The following PCDHA3 variants were observed in gnomAD, a reference collection of about 807,000 sequenced individuals.
The protein encoded by PCDHA3 is protocadherin alpha 3, also known as protocadherin alpha-3.
PCDHA3 carries 41 observed loss-of-function variants against 62.2 expected under a neutral mutation model. That is an observed-to-expected ratio of 0.66 (90% CI 0.51 to 0.86). The LOEUF (loss-of-function observed/expected upper bound fraction) is 0.86, where lower values mean the gene tolerates loss of function less well. Ranked by LOEUF, PCDHA3 falls within the 40% of genes least tolerant of loss-of-function variation. The pLI is 0.00. For missense variants in PCDHA3, 1,304 were observed against 1,241.2 expected, an observed-to-expected ratio of 1.05 and a Z score of -0.76; for synonymous variants, 640 against 555.4, an observed-to-expected ratio of 1.15 and a Z score of -2.14.
intron 1 of PCDHA3, chr5:140,842,664 T>C: frequency 6.3e-7 from 1 of 1,595,188 alleles, no homozygotes; most frequent in Non-Finnish European, 8.6e-7. Context: ...GTGGCCGACG[T>C]GAACGACAAT....
At chr5:140,805,505 T>C in intron 1 of PCDHA3, 1 of 988,922 alleles carries the variant, frequency 1.0e-6, no homozygotes. Context: ...TTTCACTAGA[T>C]TGATTTTTTG....
At position 141,011,477 on chromosome 5, in the gene PCDHA3, T is replaced by C. The variant is rs1256394490; in HGVS notation, c.*1540T>C. 2 of 153,818 alleles carry C rather than the reference T, an allele frequency of 1.3e-5. No homozygotes were observed. Among genetic ancestry groups the C allele is most frequent in the Non-Finnish European group, 2.9e-5 (2 of 68,052 alleles). The allele number at this position is 153,818 out of a possible 1,614,324, so 9.5% of individuals were successfully genotyped here. ...TTTATTGTTGAATGTAATTCCATTA[T>C]ATTTCCTTTTGTACACCTGTGAAAA... On this transcript the variant is annotated 3_prime_UTR_variant, in exon 4 of 4. Transcript: ENST00000522353.
chr5:140,831,399 A>T (rs2150194241), intron 1 of PCDHA3, among the ~76,000 whole-genome samples: 1 of 150,984 alleles, frequency 6.6e-6, no homozygotes. Flanking sequence ...TTGCTCTGTC[A>T]CCCATGCTGG....
chr5:140,885,213 AT>A (rs1364699535), intron 1 of PCDHA3, among the ~76,000 whole-genome samples: 44 of 152,178 alleles, frequency 2.9e-4, no homozygotes, highest in African/African-American at 1.0e-3. Context: ...CCCATGAAAA[AT>A]ATCTTGTGAT....
At chr5:140,835,577 G>T (rs1554135077) in intron 1 of PCDHA3, 1 of 1,613,890 alleles carries the variant, frequency 6.2e-7, no homozygotes, top group Non-Finnish European at 8.5e-7. Context: ...TCAAGTTGGT[G>T]TCCACCTTCA....
chr5:140,869,469 G>T, intron 1 of PCDHA3: 1 of 1,614,210 alleles, frequency 6.2e-7, no homozygotes, highest in Non-Finnish European at 8.5e-7. Context: ...TGAACGTGGA[G>T]GTGAAGGACA....
chr5:140,881,259 C>T (rs1285019236), intron 1 of PCDHA3: 6 of 524,478 alleles, frequency 1.1e-5, no homozygotes, highest in Non-Finnish European at 9.8e-6. Flanking sequence ...AGGTTTTACT[C>T]AGTGATGATG....
At position 140,871,188 on chromosome 5, in the gene PCDHA3, C is replaced by G. The variant is rs782347896; in HGVS notation, c.2394+67597C>G. Reference sequence around the variant, plus strand: ...GCCCAGAGGCTGCGCTGGTGGATGTCAACGTGTACCTGATCATCGCCATCT... The same window carrying G: ...GCCCAGAGGCTGCGCTGGTGGATGTGAACGTGTACCTGATCATCGCCATCT... On this transcript the variant is annotated intron_variant, in intron 1 of 3. Transcript: ENST00000522353. 9.9e-6 allele frequency: 16 copies of G among 1,613,638 alleles called. 1 individual carries two copies. In the South Asian group the frequency reaches 1.8e-4, roughly 18 times the overall value.
Position 140,818,967 on chromosome 5 carries a change from A to T in PCDHA3, c.2394+15376A>T, listed in dbSNP as rs2150102814. On this transcript the variant is annotated intron_variant, in intron 1 of 3. Transcript: ENST00000522353. Reference sequence around the variant, plus strand: ...CATTGATATTCACTATCTCAGGGATATGTTAGAACTATTCTCATATTTTCT... The same window carrying T: ...CATTGATATTCACTATCTCAGGGATTTGTTAGAACTATTCTCATATTTTCT... Among the ~76,000 whole-genome samples, 9 of 152,370 alleles carry T rather than the reference A, an allele frequency of 5.9e-5. No homozygotes were observed. The East Asian group carries it at 1.7e-3, about 29-fold the overall frequency.
At chr5:140,858,209 T>A (rs1554151274) in intron 1 of PCDHA3, 1 of 1,593,850 alleles carries the variant, frequency 6.3e-7, no homozygotes, top group Admixed American at 1.7e-5. Context: ...TGCACTGAGG[T>A]GCTCGGCGGC....
chr5:140,841,892 C>A (rs2150324917), intron 1 of PCDHA3: 1 of 1,613,788 alleles, frequency 6.2e-7, no homozygotes, highest in Non-Finnish European at 8.5e-7. Context: ...TGAGAATAAA[C>A]TGGTTGAGCT....
intron 1 of PCDHA3, among the ~76,000 whole-genome samples, chr5:140,956,151 C>A (rs1193859248): frequency 6.6e-6 from 1 of 152,156 alleles, no homozygotes; most frequent in African/African-American, 2.4e-5. Flanking sequence ...CTTTCTCTTT[C>A]CTAATTGCCA....
intron 1 of PCDHA3, chr5:140,841,181 C>G: frequency 2.6e-6 from 3 of 1,156,610 alleles, no homozygotes; most frequent in Non-Finnish European, 3.6e-6. Context: ...GGTCAATGTT[C>G]AAAGTCTTTT....
At chr5:140,828,983 A>C (rs2150161618) in intron 1 of PCDHA3, 1 of 1,614,204 alleles carries the variant, frequency 6.2e-7, no homozygotes, top group South Asian at 1.1e-5. Context: ...CATAGATCGA[A>C]ATACGGGAGA....
Position 140,802,086 on chromosome 5 carries a change from C to A in PCDHA3, c.889C>A (p.Pro297Thr). 2 of 1,614,144 alleles carry A rather than the reference C, an allele frequency of 1.2e-6. No homozygotes were observed. The highest frequency in any genetic ancestry group is 1.7e-6 in the Non-Finnish European group (2 of 1,180,032). ...TATTCTGTCAAAATTCCATTTAGAT[C>A]CAGTCAATGGACAAATCAGTGTAAA... is the stretch of plus-strand genomic sequence containing the variant. ...ADILSKFHLD[P>T]VNGQISVKGN... The change falls in exon 1 of 4, where the codon CCA (proline) becomes ACA (threonine). Residue 297 changes from proline (P) to threonine (T), a missense_variant. By Grantham distance (38) the Pro-to-Thr change is conservative (BLOSUM62 -1). Transcript: ENST00000522353.
intron 1 of PCDHA3, chr5:140,830,400 T>C (rs2150186085): frequency 1.1e-5 from 18 of 1,614,068 alleles, no homozygotes; most frequent in Non-Finnish European, 8.5e-7. Flanking sequence ...ATGGATCTCA[T>C]GGCCTTTAGC....
At chr5:140,856,703 C>T (rs1413055800) in intron 1 of PCDHA3, 1 of 1,596,452 alleles carries the variant, frequency 6.3e-7, no homozygotes, top group Non-Finnish European at 8.6e-7. Context: ...TGGAGGCAAA[C>T]CTGAATTTAC....
intron 1 of PCDHA3, among the ~76,000 whole-genome samples, chr5:140,826,214 C>T (rs186119066): frequency 6.6e-6 from 1 of 152,250 alleles, no homozygotes; most frequent in African/African-American, 2.4e-5. Flanking sequence ...TTTAAAAAAT[C>T]AAGTTTTGTG....
chr5:140,941,214 C>CTTTCTTTCTTT (rs1554214039), intron 1 of PCDHA3, among the ~76,000 whole-genome samples: 7,707 of 122,054 alleles, frequency 0.063, 376 homozygotes, highest in South Asian at 0.093. Context: ...TTTCTTTCTT[C>CTTTCTTTCTTT]CTTTCTTTCT....
Sources: gnomAD v4.1 joint callset for allele counts (sites outside exome capture counted in the v4.1 genomes callset) on GRCh38, gnomAD v4.1.1 for gene constraint, MANE v1.5 for transcripts, NCBI Gene and HGNC (gene_info 2026-07-23, HGNC 2026-07-21) for gene names.